PPM1H: variants seen among roughly 807,000 people sequenced by gnomAD.
The protein encoded by PPM1H is protein phosphatase 1H.
Under a neutral mutation model 54.9 loss-of-function variants are expected in PPM1H, and 27 were observed. The ratio of observed to expected loss-of-function variants is 0.49; its 90% CI spans 0.36 to 0.68. PPM1H has a LOEUF of 0.68. Ranked by LOEUF, PPM1H falls within the 30% of genes least tolerant of loss-of-function variation. The pLI, the probability that PPM1H is intolerant of heterozygous loss-of-function variation, is 0.00. For missense variants in PPM1H, 596 were observed against 667.8 expected (o/e 0.89, Z 1.19); for synonymous variants, 305 against 270.8 (o/e 1.13, Z -1.24).
At chr12:62,885,347 A>C (rs1293221166) in intron 1 of PPM1H, among the ~76,000 whole-genome samples, 2 of 152,148 alleles carry the variant, frequency 1.3e-5, no homozygotes, top group African/African-American at 2.4e-5. Flanking sequence ...GGCAGTTCAC[A>C]ACAGGGCTCT....
At chr12:62,824,158 A>T (rs1316963395) in intron 2 of PPM1H, among the ~76,000 whole-genome samples, 3 of 152,144 alleles carry the variant, frequency 2.0e-5, no homozygotes, top group Admixed American at 6.5e-5. Context: ...CAATTGCTAC[A>T]AAGAGAATAA....
chr12:62,900,218 A>G (rs1871124533), intron 1 of PPM1H, among the ~76,000 whole-genome samples: 1 of 152,192 alleles, frequency 6.6e-6, no homozygotes, highest in South Asian at 2.1e-4. Flanking sequence ...GATAAGAAGG[A>G]AAGGACTCAT....
intron 4 of PPM1H, among the ~76,000 whole-genome samples, chr12:62,774,218 G>T (rs938489012): frequency 6.6e-6 from 1 of 152,146 alleles, no homozygotes; most frequent in Non-Finnish European, 1.5e-5. Flanking sequence ...GAGTGAAGTG[G>T]ATTTCCAACT....
At chr12:62,860,961 A>G (rs1051296088) in intron 1 of PPM1H, among the ~76,000 whole-genome samples, 1 of 151,944 alleles carries the variant, frequency 6.6e-6, no homozygotes, top group Non-Finnish European at 1.5e-5. Flanking sequence ...CTTCCTTAAC[A>G]CTCAACACTC....
At chr12:62,713,194 C>A (rs1279110260) in intron 6 of PPM1H, among the ~76,000 whole-genome samples, 1 of 152,120 alleles carries the variant, frequency 6.6e-6, no homozygotes, top group Non-Finnish European at 1.5e-5. Flanking sequence ...CTTCTCCACC[C>A]CAAGCCAAAC....
chr12:62,761,541 G>A (rs1026854351), intron 4 of PPM1H, among the ~76,000 whole-genome samples: 1 of 152,012 alleles, frequency 6.6e-6, no homozygotes, highest in African/African-American at 2.4e-5. Context: ...TGCTAAAATT[G>A]GTCTATGTTT....
intron 5 of PPM1H, among the ~76,000 whole-genome samples, chr12:62,728,869 T>C (rs1201041580): frequency 6.6e-6 from 1 of 152,128 alleles, no homozygotes; most frequent in Non-Finnish European, 1.5e-5. Context: ...GACACAAAGA[T>C]GGGGCTTTGA....
At chr12:62,864,459 C>T (rs1222245372) in intron 1 of PPM1H, among the ~76,000 whole-genome samples, 2 of 152,212 alleles carry the variant, frequency 1.3e-5, no homozygotes, top group African/African-American at 2.4e-5. Flanking sequence ...GCAATGAGCA[C>T]TTGCTGGTTT....
chr12:62,796,586 G>A (rs534505249), intron 3 of PPM1H, among the ~76,000 whole-genome samples: 4 of 152,286 alleles, frequency 2.6e-5, no homozygotes, highest in Admixed American at 2.0e-4. Context: ...CACTTGGCAC[G>A]TGACCCTCCA....
At chr12:62,703,968 GAGAA>G (rs1275383642) in intron 6 of PPM1H, among the ~76,000 whole-genome samples, 1 of 118,586 alleles carries the variant, frequency 8.4e-6, no homozygotes, top group African/African-American at 3.1e-5. Flanking sequence ...ATGAAAGAGA[GAGAA>G]AGCGTGTGTG....
chr12:62,880,061 G>A (rs1284863078), intron 1 of PPM1H, among the ~76,000 whole-genome samples: 1 of 152,120 alleles, frequency 6.6e-6, no homozygotes, highest in Non-Finnish European at 1.5e-5. Flanking sequence ...CTGACCTTTG[G>A]AAAATGAATT....
At chr12:62,702,439 A>G (rs1335317212) in intron 6 of PPM1H, among the ~76,000 whole-genome samples, 1 of 151,878 alleles carries the variant, frequency 6.6e-6, no homozygotes, top group Admixed American at 6.6e-5. Flanking sequence ...CCCTACTCTG[A>G]TTGCTTAACC....
At chr12:62,652,176 T>C (rs2075820541) in intron 9 of PPM1H, among the ~76,000 whole-genome samples, 1 of 152,230 alleles carries the variant, frequency 6.6e-6, no homozygotes, top group African/African-American at 2.4e-5. Context: ...TATTGTTCAA[T>C]TATGAAATCC....
chr12:62,689,564 A>G, intron 8 of PPM1H, 135 bp downstream of exon 8: 2 of 629,518 alleles, frequency 3.2e-6, no homozygotes, highest in South Asian at 2.1e-5. Context: ...GGAAAAAGAC[A>G]CAGACGTGAG....
chr12:62,692,645 T>C lies in PPM1H; in HGVS notation c.1137+1291A>G, dbSNP rs117930225. Among the ~76,000 whole-genome samples the C allele has an allele frequency of 8.9e-3, 1,348 of 152,208 alleles. 13 individuals are homozygous for C. Among genetic ancestry groups the C allele is most frequent in the Middle Eastern group, 0.024 (7 of 294 alleles). On this transcript the variant is annotated intron_variant, in intron 7 of 9. Coordinates refer to ENST00000228705, the MANE Select transcript of PPM1H (RefSeq NM_020700.2). ...GAAATGGAGCTGCAGGCATAGGTCA[T>C]TGGGCTGAATGATACTCATTAATGG...
chr12:62,798,942 C>G (rs893739715), intron 3 of PPM1H, among the ~76,000 whole-genome samples: 88 of 152,184 alleles, frequency 5.8e-4, no homozygotes, highest in African/African-American at 1.9e-3. Flanking sequence ...CCTGCATCAC[C>G]CTGTATTTCC....
At chr12:62,834,044 T>TA (rs879337649) in intron 1 of PPM1H, among the ~76,000 whole-genome samples, 28 of 152,372 alleles carry the variant, frequency 1.8e-4, no homozygotes, top group Non-Finnish European at 3.5e-4. Context: ...GGTTTACTAC[T>TA]AATTTCAACT....
At chr12:62,678,972 C>G (rs2076003213) in intron 8 of PPM1H, among the ~76,000 whole-genome samples, 1 of 152,000 alleles carries the variant, frequency 6.6e-6, no homozygotes, top group Non-Finnish European at 1.5e-5. Context: ...CAGGCAGCAG[C>G]TACCACACCC....
At chr12:62,757,727 A>G (rs2076484601) in intron 4 of PPM1H, among the ~76,000 whole-genome samples, 1 of 152,242 alleles carries the variant, frequency 6.6e-6, no homozygotes, top group Non-Finnish European at 1.5e-5. Context: ...CAGCTCTATC[A>G]TTTAAGACCC....
Sources: gnomAD v4.1 joint callset for allele counts (sites outside exome capture counted in the v4.1 genomes callset) on GRCh38, gnomAD v4.1.1 for gene constraint, MANE v1.5 for transcripts, NCBI Gene and HGNC (gene_info 2026-07-23, HGNC 2026-07-21) for gene names.